Variants in KIAA1217 observed in about 807,000 individuals in gnomAD.
The protein encoded by KIAA1217 is KIAA1217.
KIAA1217 carries 88 observed loss-of-function variants against 163.9 expected under a neutral mutation model. The observed-to-expected ratio is 0.54, with a 90% CI of 0.45 to 0.64. The LOEUF (loss-of-function observed/expected upper bound fraction) is 0.64. KIAA1217 is among the 30% of genes least tolerant of loss of function. The pLI is 0.00. For missense variants in KIAA1217, 2,372 were observed against 2,475.0 expected (o/e 0.96, Z 0.88); for synonymous variants, 903 against 923.1 (o/e 0.98, Z 0.39).
chr10:24,293,931 C>T (rs1426387157), intron 2 of KIAA1217, among the ~76,000 whole-genome samples: 3 of 152,158 alleles, frequency 2.0e-5, no homozygotes, highest in East Asian at 1.9e-4. Flanking sequence ...CGGTGGCTCA[C>T]GCCTGGAATC....
chr10:24,178,531 A>G (rs887775618), intron 2 of KIAA1217, among the ~76,000 whole-genome samples: 3 of 152,212 alleles, frequency 2.0e-5, no homozygotes, highest in African/African-American at 7.2e-5. Context: ...ACCACCTTTG[A>G]TAACAGCCAG....
intron 2 of KIAA1217, among the ~76,000 whole-genome samples, chr10:24,240,294 CG>C (rs1219596805): frequency 6.6e-6 from 1 of 152,082 alleles, no homozygotes; most frequent in Non-Finnish European, 1.5e-5. Context: ...TGCATGGCAG[CG>C]TGTGAGGTTA....
chr10:23,978,143 C>T (rs1845617459), intron 1 of KIAA1217, among the ~76,000 whole-genome samples: 1 of 152,150 alleles, frequency 6.6e-6, no homozygotes, highest in African/African-American at 2.4e-5. Context: ...GGCAATGATC[C>T]TCATCATGGT....
intron 1 of KIAA1217, among the ~76,000 whole-genome samples, chr10:23,830,774 G>A (rs1467575098): frequency 1.3e-5 from 2 of 149,586 alleles, no homozygotes; most frequent in Admixed American, 6.7e-5. Context: ...AATAATAGAA[G>A]ATACATAAAA....
intron 5 of KIAA1217, among the ~76,000 whole-genome samples, chr10:24,458,522 A>T (rs1322859589): frequency 6.6e-6 from 1 of 152,106 alleles, no homozygotes; most frequent in Non-Finnish European, 1.5e-5. Flanking sequence ...TTTGAAGAGG[A>T]TTCAAAGGTC....
intron 2 of KIAA1217, among the ~76,000 whole-genome samples, chr10:24,088,616 G>T (rs1394433659): frequency 8.2e-6 from 1 of 122,436 alleles, no homozygotes; most frequent in African/African-American, 2.5e-5. Flanking sequence ...CCCTACAAAG[G>T]ACATGAACTT....
At chr10:23,774,574 A>T (rs1411330833) in intron 1 of KIAA1217, among the ~76,000 whole-genome samples, 1 of 152,186 alleles carries the variant, frequency 6.6e-6, no homozygotes, top group Non-Finnish European at 1.5e-5. Context: ...ATGGAAATGC[A>T]TGGTAGATGT....
intron 2 of KIAA1217, among the ~76,000 whole-genome samples, chr10:24,308,610 C>A (rs2132939760): frequency 6.6e-6 from 1 of 152,220 alleles, no homozygotes; most frequent in African/African-American, 2.4e-5. Context: ...AGGAACAAAG[C>A]CATTGAATCC....
chr10:24,221,829 G>A (rs940419795), intron 2 of KIAA1217, among the ~76,000 whole-genome samples: 5 of 152,144 alleles, frequency 3.3e-5, no homozygotes, highest in South Asian at 2.1e-4. Flanking sequence ...GAGGCCAGGA[G>A]CTTGAGACCA....
At chr10:24,531,741 A>C (rs2073155971) in intron 14 of KIAA1217, 89 bp from the exon 15 acceptor site, 7 of 1,287,150 alleles carry the variant, frequency 5.4e-6, no homozygotes. Flanking sequence ...TTTTTAAATC[A>C]GATTGCATTG....
At chr10:24,471,594 G>A (rs1009113395) in intron 5 of KIAA1217, among the ~76,000 whole-genome samples, 1 of 151,864 alleles carries the variant, frequency 6.6e-6, no homozygotes, top group Non-Finnish European at 1.5e-5. Context: ...AAAAAAATCA[G>A]TGTAGAGGCC....
At chr10:24,106,962 G>T (rs947012618) in intron 2 of KIAA1217, among the ~76,000 whole-genome samples, 4 of 152,088 alleles carry the variant, frequency 2.6e-5, no homozygotes, top group Non-Finnish European at 5.9e-5. Flanking sequence ...GGGGTTTGGT[G>T]TACAGATTAT....
intron 2 of KIAA1217, among the ~76,000 whole-genome samples, chr10:24,071,335 A>G (rs1272175163): frequency 6.6e-6 from 1 of 152,300 alleles, no homozygotes; most frequent in African/African-American, 2.4e-5. Context: ...GGTCATTTAT[A>G]TATTTACGAC....
chr10:23,774,831 A>G (rs1043913303), intron 1 of KIAA1217, among the ~76,000 whole-genome samples: 1 of 152,194 alleles, frequency 6.6e-6, no homozygotes, highest in Non-Finnish European at 1.5e-5. Context: ...TTCTTTAAGA[A>G]GTTATATTTG....
intron 2 of KIAA1217, among the ~76,000 whole-genome samples, chr10:24,010,778 C>T (rs951512175): frequency 2.6e-5 from 4 of 151,908 alleles, no homozygotes; most frequent in African/African-American, 7.3e-5. Context: ...CTTTCCAGGG[C>T]CTGAAGGCTT....
chr10:24,389,831 G>T (rs1417674917), intron 3 of KIAA1217, among the ~76,000 whole-genome samples: 4 of 151,742 alleles, frequency 2.6e-5, no homozygotes, highest in Non-Finnish European at 5.9e-5. Flanking sequence ...GTTTTGTTTT[G>T]TTTTTTTTCA....
At chr10:24,344,945 C>G (rs2047535310) in intron 2 of KIAA1217, among the ~76,000 whole-genome samples, 1 of 152,174 alleles carries the variant, frequency 6.6e-6, no homozygotes, top group Admixed American at 6.5e-5. Context: ...TATCAACCAT[C>G]CAGGTGGCTA....
intron 2 of KIAA1217, among the ~76,000 whole-genome samples, chr10:24,289,730 T>G (rs2078913144): frequency 6.6e-6 from 1 of 151,988 alleles, no homozygotes. Flanking sequence ...TAGGGACCTC[T>G]AGTAGGTAGT....
At chr10:24,152,220 T>C (rs1358149378) in intron 2 of KIAA1217, among the ~76,000 whole-genome samples, 1 of 152,206 alleles carries the variant, frequency 6.6e-6, no homozygotes, top group South Asian at 2.1e-4. Flanking sequence ...CTGATGTATT[T>C]TTATGTATTT....
Sources: allele counts gnomAD v4.1 joint callset (sites outside exome capture counted in the v4.1 genomes callset), GRCh38; gene constraint gnomAD v4.1.1; transcripts MANE v1.5; gene names NCBI Gene and HGNC (gene_info 2026-07-23, HGNC 2026-07-21).